FBN2: variants seen among roughly 807,000 people sequenced by gnomAD.
FBN2 encodes the protein fibrillin 2.
Under a neutral mutation model 355.6 loss-of-function variants are expected in FBN2, and 105 were observed. The observed-to-expected ratio is 0.30, with a 90% confidence interval of 0.25 to 0.35. The LOEUF (loss-of-function observed/expected upper bound fraction) is 0.35. Among genes scored for constraint, FBN2 ranks in the 10% least tolerant of loss-of-function variants. The pLI is 1.00. For synonymous variants in FBN2, 1,350 were observed against 1,301.2 expected (o/e 1.04, Z -0.81); for missense variants, 3,280 against 3,758.7 (o/e 0.87, Z 3.33).
chr5:128,407,214 C>A (rs1436360893), intron 8 of FBN2, among the ~76,000 whole-genome samples: 1 of 152,112 alleles, frequency 6.6e-6, no homozygotes, highest in Non-Finnish European at 1.5e-5. Context: ...GGATTTGAAT[C>A]CTGGCTCCAT....
rs1406177129 is a variant in FBN2 at position 128,537,817 on chromosome 5, G to A, written c.-214C>T. 12 of 606,770 alleles carry A rather than the reference G, an allele frequency of 2.0e-5. No homozygotes were observed. The highest frequency in any genetic ancestry group is 5.8e-6 in the Non-Finnish European group (2 of 343,486). 37.6% of individuals were successfully genotyped at this position (606,770 alleles called of 1,614,324 possible). On this transcript the variant is annotated 5_prime_UTR_variant, in exon 1 of 65. Coordinates refer to ENST00000262464, the MANE Select transcript of FBN2 (RefSeq NM_001999.4). ...CGAGACGCGGGGCGCCGGGTCTAGCGCAGTGAGCGGCGAGGCGCGGCGGAG... is the reference window on the plus strand; with the variant it reads ...CGAGACGCGGGGCGCCGGGTCTAGCACAGTGAGCGGCGAGGCGCGGCGGAG...
intron 7 of FBN2, among the ~76,000 whole-genome samples, chr5:128,441,458 C>T (rs1385431994): frequency 6.6e-6 from 1 of 152,178 alleles, no homozygotes; most frequent in Non-Finnish European, 1.5e-5. Flanking sequence ...CCATATAATC[C>T]TAAGAAAGTT....
At chr5:128,337,787 G>A (rs1385641888) in intron 27 of FBN2, among the ~76,000 whole-genome samples, 1 of 152,196 alleles carries the variant, frequency 6.6e-6, no homozygotes, top group East Asian at 1.9e-4. Context: ...TATAAAAAAA[G>A]AGGCCAACCA....
chr5:128,478,011 A>G (rs751142002), intron 5 of FBN2, among the ~76,000 whole-genome samples: 2 of 152,180 alleles, frequency 1.3e-5, no homozygotes, highest in African/African-American at 2.4e-5. Flanking sequence ...AGATTGCTGA[A>G]TGTTTTCCTC....
At chr5:128,504,367 A>T (rs1388323425) in intron 5 of FBN2, among the ~76,000 whole-genome samples, 5 of 152,008 alleles carry the variant, frequency 3.3e-5, no homozygotes, top group Non-Finnish European at 7.4e-5. Context: ...ACCAACAACA[A>T]CTTGTACTGT....
chr5:128,415,521 G>A lies in FBN2; in HGVS notation c.953-6722C>T, dbSNP rs530527723. Among the ~76,000 whole-genome samples the A allele has an allele frequency of 3.3e-5, 5 of 152,142 alleles. No homozygotes were observed. The South Asian group carries it at 6.2e-4, about 19-fold the overall frequency. On this transcript the variant is annotated intron_variant, in intron 7 of 64. Transcript: ENST00000262464. ...ACCCTCCAGTTCCACCCACGTTGCT[G>A]CAATTGACAGTATTTTATTCTTTTT...
chr5:128,260,247 G>A (rs1764931561), intron 64 of FBN2, among the ~76,000 whole-genome samples: 1 of 152,082 alleles, frequency 6.6e-6, no homozygotes, highest in South Asian at 2.1e-4. Flanking sequence ...CATCAGCAGG[G>A]AATGCGCCCA....
At chr5:128,321,966 C>T (rs1444984050) in intron 34 of FBN2, among the ~76,000 whole-genome samples, 2 of 152,156 alleles carry the variant, frequency 1.3e-5, no homozygotes, top group Non-Finnish European at 2.9e-5. Context: ...TGTTTCCTGA[C>T]TTTTTAATGA....
chr5:128,479,972 C>CTA (rs1755123156), intron 5 of FBN2, among the ~76,000 whole-genome samples: 1 of 20,512 alleles, frequency 4.9e-5, no homozygotes, highest in East Asian at 1.4e-3. Context: ...CTCTCTCTCT[C>CTA]TCTCTATATA....
Position 128,345,393 on chromosome 5 carries a change from G to T in FBN2, c.3181C>A (p.Arg1061=). The change falls in exon 24 of 65, where the codon CGA becomes AGA. Residue 1061 remains arginine (R), a synonymous_variant. Coordinates refer to ENST00000262464, the MANE Select transcript of FBN2 (RefSeq NM_001999.4). The stretch of plus-strand genomic sequence containing the variant: ...GGCCGCCCAGTAAGAACATCCCCTC[G>T]GTTAGCAAAGCCAGCCCCGCGGGGG... ...LCPRGAGFAN[R]GDVLTGRPFY... 6.2e-7 allele frequency: 1 copy of T among 1,614,100 alleles called. No individual in the cohort carries two copies. Among genetic ancestry groups the T allele is most frequent in the Non-Finnish European group, 8.5e-7 (1 of 1,180,006 alleles).
At chr5:128,462,218 T>C (rs531421867) in intron 6 of FBN2, among the ~76,000 whole-genome samples, 25 of 152,312 alleles carry the variant, frequency 1.6e-4, no homozygotes, top group African/African-American at 5.8e-4. Flanking sequence ...AAATTTATTT[T>C]TAACTCTGTA....
Position 128,259,817 on chromosome 5 carries a change from T to G in FBN2, c.8377A>C (p.Ser2793Arg). ...EPDPTAVEQI[S>R]LESVDMDSPV... ...CTGTCCATGTCGACACTCTCTAGGC[T>G]GATCTGTTCAACCTGGAGGAAGAAC... Residue 2793 changes from serine to arginine, a missense_variant, in exon 65 of 65, where the codon AGC (serine) becomes CGC (arginine). Physicochemically the swap from Ser to Arg is moderately radical, Grantham distance 110 (BLOSUM62 -1). This residue lies in a region of FBN2 where 311 missense variants were observed against 319.1 expected (regional missense o/e 0.97). Transcript: ENST00000262464. The G allele has an allele frequency of 6.2e-7, 1 of 1,613,576 alleles. No homozygotes were observed. The highest frequency in any genetic ancestry group is 1.7e-5 in the Admixed American group (1 of 59,960).
rs773733976 is a variant in FBN2, at chr5:128,291,532, A to C, written c.6289T>G (p.Phe2097Val). ...FVLSDNGRRC[F>V]DTRQSFCFTN... ...GTGAAGTCATGCCAAATCTTACCAAAGCATCTCCGTCCATTATCAGATAGT... is the reference window on the plus strand; with the variant it reads ...GTGAAGTCATGCCAAATCTTACCAACGCATCTCCGTCCATTATCAGATAGT... The change falls in exon 49 of 65, where the codon TTT (phenylalanine) becomes GTT (valine). Residue 2097 changes from phenylalanine to valine, a missense_variant. Phe to Val is a conservative substitution (Grantham distance 50, BLOSUM62 -1). Coordinates refer to ENST00000262464, the MANE Select transcript of FBN2 (RefSeq NM_001999.4). 1 of 1,613,950 alleles carries C rather than the reference A, an allele frequency of 6.2e-7. No individual in the cohort carries two copies. The highest frequency in any genetic ancestry group is 1.1e-5 in the South Asian group (1 of 91,068).
intron 11 of FBN2, among the ~76,000 whole-genome samples, chr5:128,391,634 C>G (rs577608487): frequency 6.6e-6 from 1 of 152,230 alleles, no homozygotes; most frequent in African/African-American, 2.4e-5. Context: ...CCTGACATAT[C>G]AGATTTTAGT....
intron 5 of FBN2, among the ~76,000 whole-genome samples, chr5:128,515,392 A>T (rs1384366203): frequency 6.6e-6 from 1 of 152,202 alleles, no homozygotes; most frequent in Non-Finnish European, 1.5e-5. Context: ...GGGATCTTAC[A>T]CATCTGCTAA....
intron 5 of FBN2, among the ~76,000 whole-genome samples, chr5:128,515,260 C>T (rs1330142054): frequency 1.3e-5 from 2 of 152,114 alleles, no homozygotes; most frequent in Non-Finnish European, 2.9e-5. Context: ...AAAATGTATA[C>T]AATAATTAAA....
chr5:128,328,340 T>A, intron 34 of FBN2: 2 of 518,866 alleles, frequency 3.9e-6, no homozygotes, highest in South Asian at 4.5e-5. Flanking sequence ...ATAAACACAA[T>A]AAATAGTGGT....
At chr5:128,508,259 T>C (rs1401528360) in intron 5 of FBN2, among the ~76,000 whole-genome samples, 1 of 152,008 alleles carries the variant, frequency 6.6e-6, no homozygotes, top group Non-Finnish European at 1.5e-5. Context: ...ACCATTTACA[T>C]TTATTGTGAT....
chr5:128,361,774 A>G lies in FBN2; in HGVS notation c.2503T>C (p.Cys835Arg). 6.2e-7 allele frequency: 1 copy of G among 1,614,180 alleles called. No individual in the cohort carries two copies. The highest frequency in any genetic ancestry group is 1.1e-5 in the South Asian group (1 of 91,088). ...AACACATACCCTGGTGGGCACGTAC[A>G]GCTGTAACTTCCTGGCGTGTTTCGG... is the stretch of plus-strand genomic sequence containing the variant. ...LCRNTPGSYS[C>R]TCPPGYVFRT... The change falls in exon 19 of 65, where the codon TGT (cysteine) becomes CGT (arginine). Residue 835 changes from cysteine to arginine, a missense_variant. Cys to Arg is a radical substitution (Grantham distance 180, BLOSUM62 -3). Around this residue, in one of 6 missense-constraint regions of FBN2, gnomAD observed 2,284 missense variants for 2,749.5 expected, o/e 0.83. Transcript: ENST00000262464.
Sources: allele counts gnomAD v4.1 joint callset (sites outside exome capture counted in the v4.1 genomes callset), GRCh38; gene constraint gnomAD v4.1.1; regional missense constraint gnomAD v4.1.1; transcripts MANE v1.5; gene names NCBI Gene and HGNC (gene_info 2026-07-23, HGNC 2026-07-21).